SLC3A1: variants seen among roughly 807,000 people sequenced by gnomAD.
SLC3A1 encodes solute carrier family 3 member 1, also known as amino acid transporter heavy chain SLC3A1.
In SLC3A1, 78 loss-of-function variants were observed where a neutral mutation model predicts 60.3. The observed-to-expected ratio is 1.29, with a 90% CI of 1.08 to 1.56. The LOEUF (loss-of-function observed/expected upper bound fraction) is 1.56, where lower values mean the gene tolerates loss of function less well. SLC3A1 is among the 40% of genes most tolerant of loss of function. The probability of loss-of-function intolerance (pLI) is 0.00; values close to 1 mark genes in which losing one functional copy is unlikely to be tolerated. For synonymous variants in SLC3A1, 392 were observed against 307.9 expected, an observed-to-expected ratio of 1.27 and a Z score of -2.86; for missense variants, 1,172 against 858.9, an observed-to-expected ratio of 1.36 and a Z score of -4.56.
At chr2:44,319,212 CACAATAACAACT>C (rs1254425097) in intron 9 of SLC3A1, 2 of 152,520 alleles carry the variant, frequency 1.3e-5, no homozygotes, top group Non-Finnish European at 2.9e-5. Flanking sequence ...CAATAACAAC[CACAATAACAACT>C]ATCACCCCAG....
chr2:44,312,503 C>G (rs1005372142), intron 7 of SLC3A1, 83 bp from the exon 8 acceptor site: 3 of 1,455,816 alleles, frequency 2.1e-6, no homozygotes, highest in African/African-American at 1.4e-5. Context: ...TGTTTTGCTA[C>G]GTTGTGAACT....
intron 1 of SLC3A1, among the ~76,000 whole-genome samples, chr2:44,280,226 A>G (rs1671462501): frequency 6.6e-6 from 1 of 152,026 alleles, no homozygotes; most frequent in Non-Finnish European, 1.5e-5. Flanking sequence ...CTGATAGATG[A>G]CTAATTTGAT....
Position 44,320,678 on chromosome 2 carries a change from G to A in SLC3A1, c.*39G>A, listed in dbSNP as rs766252432. ...GAGATGAAGACACTGGCATTTCAGTGGGATTGTAAGCATTTGTAATAGCTT... is the reference window on the plus strand; with the variant it reads ...GAGATGAAGACACTGGCATTTCAGTAGGATTGTAAGCATTTGTAATAGCTT... On this transcript the variant is annotated 3_prime_UTR_variant, in exon 10 of 10. Transcript: ENST00000260649. The A allele has an allele frequency of 1.3e-6, 2 of 1,496,884 alleles. No individual in the cohort carries two copies. The highest frequency in any genetic ancestry group is 1.4e-5 in the African/African-American group (1 of 72,684). 92.7% of individuals were successfully genotyped at this position (1,496,884 alleles called of 1,614,324 possible). A position where few individuals can be genotyped will look rare whatever the true frequency, so the allele number is the denominator to read the frequency against.
chr2:44,315,634 T>C, intron 9 of SLC3A1, among the ~76,000 whole-genome samples: 1 of 111,952 alleles, frequency 8.9e-6, no homozygotes, highest in Non-Finnish European at 1.7e-5. Context: ...CCAGCCTGGG[T>C]GCCAGAGTAA....
At chr2:44,321,635 C>G (rs1672955452), downstream of SLC3A1, 3 of 1,493,910 alleles carry the variant, frequency 2.0e-6, no homozygotes, top group Non-Finnish European at 2.7e-6. Flanking sequence ...TAACAGAGCT[C>G]ACGTATCAAG....
intron 6 of SLC3A1, 111 bp downstream of exon 6, chr2:44,301,238 C>A: frequency 2.2e-6 from 3 of 1,349,794 alleles, no homozygotes; most frequent in South Asian, 1.2e-5. Flanking sequence ...AACAAGCCTG[C>A]ATAACTCTAA....
intron 6 of SLC3A1, among the ~76,000 whole-genome samples, chr2:44,303,165 C>T (rs1672060387): frequency 6.7e-6 from 1 of 150,366 alleles, no homozygotes; most frequent in Non-Finnish European, 1.5e-5. Context: ...CATGCCATTG[C>T]ACTCCAGCCT....
chr2:44,291,971 C>T (rs1463501747), intron 4 of SLC3A1, among the ~76,000 whole-genome samples: 2 of 152,142 alleles, frequency 1.3e-5, no homozygotes, highest in East Asian at 1.9e-4. Flanking sequence ...AGTCAGAAAA[C>T]CTTCTCTGAG....
chr2:44,292,505 A>G (rs1572798137), intron 4 of SLC3A1, among the ~76,000 whole-genome samples: 6 of 152,248 alleles, frequency 3.9e-5, no homozygotes, highest in Admixed American at 3.9e-4. Flanking sequence ...TCTTGTGGCC[A>G]TCCTGGGGCT....
At chr2:44,301,426 CTAT>C (rs1329773922) in intron 6 of SLC3A1, 5 of 585,992 alleles carry the variant, frequency 8.5e-6, no homozygotes, top group Middle Eastern at 4.6e-4. Context: ...TAGCCATGAG[CTAT>C]TATTTTTTCT....
intron 1 of SLC3A1, among the ~76,000 whole-genome samples, chr2:44,277,712 G>T (rs762884912): frequency 6.6e-6 from 1 of 152,160 alleles, no homozygotes; most frequent in South Asian, 2.1e-4. Context: ...CCAGAGATAT[G>T]TTTACCACTT....
intron 9 of SLC3A1, chr2:44,318,781 A>C (rs936803796): frequency 1.3e-5 from 2 of 152,224 alleles, no homozygotes; most frequent in Non-Finnish European, 2.9e-5. Context: ...GGAAGTATTT[A>C]ATAGCAGACA....
At chr2:44,281,031 T>G in intron 2 of SLC3A1, 136 bp downstream of exon 2, 1 of 731,198 alleles carries the variant, frequency 1.4e-6, no homozygotes, top group Non-Finnish European at 2.3e-6. Flanking sequence ...TCCTTCTTTC[T>G]TTCCTTCCCG....
Position 44,299,995 on chromosome 2 carries a change from A to G in SLC3A1, c.916A>G (p.Lys306Glu). Residue 306 changes from lysine to glutamate, a missense_variant, in exon 5 of 10, where the codon AAG (lysine) becomes GAG (glutamate). Lys to Glu is a moderately conservative substitution (Grantham distance 56). Transcript: ENST00000260649. ...GGAAATTTTACGGTTCTGGCTCACA[A>G]AGGGTGTTGATGGTTTTAGTTTGGA... ...IKEILRFWLT[K>E]GVDGFSLDAV... 6.2e-7 allele frequency: 1 copy of G among 1,614,144 alleles called. No individual in the cohort carries two copies. The highest frequency in any genetic ancestry group is 8.5e-7 in the Non-Finnish European group (1 of 1,179,982).
At chr2:44,299,549 T>G (rs1671950202) in intron 4 of SLC3A1, among the ~76,000 whole-genome samples, 1 of 152,212 alleles carries the variant, frequency 6.6e-6, no homozygotes, top group African/African-American at 2.4e-5. Context: ...GTGAAATATT[T>G]AACTATTGAA....
At chr2:44,313,714 A>G in intron 8 of SLC3A1, 121 bp from the exon 9 acceptor site, 1 of 863,672 alleles carries the variant, frequency 1.2e-6, no homozygotes, top group South Asian at 1.4e-5. Flanking sequence ...ACAAATGCTA[A>G]TGAGTACAAA....
rs768899449 is a variant in SLC3A1, at chr2:44,286,081, A to C, written c.815A>C (p.Gln272Pro). Residue 272 changes from glutamine to proline, a missense_variant, in exon 4 of 10, where the codon CAA (glutamine) becomes CCA (proline). Transcript: ENST00000260649. ...SSWHFDEVRN[Q>P]CYFHQFMKEQ... ...TGGCACTTTGACGAAGTGCGAAACC[A>C]ATGTTATTTTCATCAGTTTATGAAA... The C allele has an allele frequency of 3.7e-6, 6 of 1,613,968 alleles. No individual in the cohort carries two copies. Among genetic ancestry groups the C allele is most frequent in the Non-Finnish European group, 5.1e-6 (6 of 1,179,822 alleles).
intron 1 of SLC3A1, among the ~76,000 whole-genome samples, chr2:44,280,079 C>T (rs899527200): frequency 5.3e-5 from 8 of 152,080 alleles, no homozygotes; most frequent in African/African-American, 1.9e-4. Context: ...TGACACTTAG[C>T]CCAGCAGCTG....
intron 5 of SLC3A1, among the ~76,000 whole-genome samples, chr2:44,300,523 T>C (rs1337204591): frequency 6.6e-6 from 1 of 152,154 alleles, no homozygotes; most frequent in Non-Finnish European, 1.5e-5. Flanking sequence ...ATAGAAATCC[T>C]ACAAAGATAC....
Sources: gnomAD v4.1 joint callset for allele counts (sites outside exome capture counted in the v4.1 genomes callset) on GRCh38, gnomAD v4.1.1 for gene constraint, MANE v1.5 for transcripts, NCBI Gene and HGNC (gene_info 2026-07-23, HGNC 2026-07-21) for gene names.